Variants in BBS7 observed in about 807,000 individuals in gnomAD.
BBS7 encodes the protein Bardet-Biedl syndrome 7.
In BBS7, 50 loss-of-function variants were observed where a neutral mutation model predicts 90.3. The observed-to-expected ratio is 0.55, with a 90% CI of 0.44 to 0.70. The LOEUF is 0.70. BBS7 is among the 30% of genes least tolerant of loss of function. BBS7 has a pLI of 0.00. For synonymous variants in BBS7, 235 were observed against 287.4 expected (o/e 0.82, Z 1.85); for missense variants, 729 against 838.9 (o/e 0.87, Z 1.62).
chr4:121,863,015 A>G (rs1727066677), intron 3 of BBS7, among the ~76,000 whole-genome samples: 1 of 152,202 alleles, frequency 6.6e-6, no homozygotes, highest in Non-Finnish European at 1.5e-5. Flanking sequence ...GTAACCCACG[A>G]CCACAGGATG....
chr4:121,838,537 T>G (rs1166621880), intron 13 of BBS7, among the ~76,000 whole-genome samples: 1 of 152,180 alleles, frequency 6.6e-6, no homozygotes, highest in Non-Finnish European at 1.5e-5. Context: ...TGTCATTAAA[T>G]TGCTAGAGAA....
chr4:121,863,076 A>G, intron 3 of BBS7, 141 bp downstream of exon 3: 1 of 747,304 alleles, frequency 1.3e-6, no homozygotes, highest in Non-Finnish European at 2.3e-6. Context: ...CTACCCGCAG[A>G]CTCATATCTC....
At chr4:121,849,873 C>A (rs183827113) in intron 8 of BBS7, among the ~76,000 whole-genome samples, 53 of 152,010 alleles carry the variant, frequency 3.5e-4, no homozygotes, top group African/African-American at 1.3e-3. Context: ...AGCAAAATAC[C>A]CCGTTAAGTT....
At chr4:121,829,237 C>CTTT (rs58186352) in intron 15 of BBS7, among the ~76,000 whole-genome samples, 3 of 136,436 alleles carry the variant, frequency 2.2e-5, no homozygotes, top group African/African-American at 8.1e-5. Context: ...CATTATTTTT[C>CTTT]TTTTTTTTTT....
chr4:121,848,396 C>T (rs1448306782), intron 9 of BBS7, among the ~76,000 whole-genome samples: 2 of 152,150 alleles, frequency 1.3e-5, no homozygotes, highest in African/African-American at 4.8e-5. Flanking sequence ...AACATATCAC[C>T]TGCTGTATAT....
intron 8 of BBS7, among the ~76,000 whole-genome samples, chr4:121,849,583 C>A (rs1182275924): frequency 6.6e-6 from 1 of 152,010 alleles, no homozygotes; most frequent in African/African-American, 2.4e-5. Flanking sequence ...AATCCCAGCA[C>A]TTTGGGAAGC....
At position 121,828,663 on chromosome 4, in the gene BBS7, G is replaced by A. The variant is rs1725023755; in HGVS notation, c.1742C>T (p.Ser581Phe). 1 of 1,610,338 alleles carries A rather than the reference G, an allele frequency of 6.2e-7. No homozygotes were observed. ...STISILKDVL[S>F]KEATKRKINL... ...AATTTTCCTTTTTGTAGCTTCTTTA[G>A]AAAGCACATCTTTTAGGATGGAGAT... The change falls in exon 16 of 19, where the codon TCT becomes TTT. Residue 581 changes from serine (S) to phenylalanine (F), a missense_variant. By Grantham distance (155) the Ser-to-Phe change is radical (BLOSUM62 -2). Coordinates refer to ENST00000264499, the MANE Select transcript of BBS7 (RefSeq NM_176824.3).
intron 13 of BBS7, 31 bp from the exon 14 acceptor site, chr4:121,835,314 A>C: frequency 6.2e-7 from 1 of 1,611,760 alleles, no homozygotes; most frequent in Non-Finnish European, 8.5e-7. Flanking sequence ...AAATAAAATA[A>C]GAATATTTAG....
chr4:121,865,592 CT>C (rs1238303137), intron 2 of BBS7, among the ~76,000 whole-genome samples: 1 of 151,976 alleles, frequency 6.6e-6, no homozygotes, highest in Non-Finnish European at 1.5e-5. Flanking sequence ...ATATATACCA[CT>C]TTTTTTTATA....
intron 13 of BBS7, 141 bp downstream of exon 13, chr4:121,839,490 G>A: frequency 1.4e-6 from 1 of 708,056 alleles, no homozygotes; most frequent in Non-Finnish European, 2.5e-6. Flanking sequence ...ATCCTAACTG[G>A]TCATTCAAAA....
intron 11 of BBS7, 105 bp from the exon 12 acceptor site, chr4:121,844,106 C>A: frequency 1.4e-6 from 1 of 709,584 alleles, no homozygotes; most frequent in Admixed American, 2.6e-5. Context: ...TTATATTCAT[C>A]TTTAAATTTG....
chr4:121,840,100 G>A lies in BBS7; in HGVS notation c.1306-404C>T, dbSNP rs1260854420. ...TTCAAATCTCATCTTGAATTGTACT[G>A]CCATAATTCCCATGTGTTGTGGGAG... On this transcript the variant is annotated intron_variant, in intron 12 of 18. Coordinates refer to ENST00000264499, the MANE Select transcript of BBS7 (RefSeq NM_176824.3). Among the ~76,000 whole-genome samples, 3 of 152,152 alleles carry A rather than the reference G, an allele frequency of 2.0e-5. No individual in the cohort carries two copies. The East Asian group carries it at 5.8e-4, about 29-fold the overall frequency.
At chr4:121,828,823 ATT>A (rs1452095189) in intron 15 of BBS7, 95 bp from the exon 16 acceptor site, 4 of 769,520 alleles carry the variant, frequency 5.2e-6, no homozygotes, top group Non-Finnish European at 8.3e-6. Flanking sequence ...TATAGATTTC[ATT>A]TGACTGTAGA....
At position 121,828,134 on chromosome 4, in the gene BBS7, T is replaced by C; in HGVS notation, c.2014+12A>G. 8 of 1,613,530 alleles carry C rather than the reference T, an allele frequency of 5.0e-6. No individual in the cohort carries two copies. Among genetic ancestry groups the C allele is most frequent in the Non-Finnish European group, 6.8e-6 (8 of 1,179,768 alleles). ...AGAAATATGGCAAGGTATTCTAGAA[T>C]GGTCCACTAACCATAGAGTCTTTCA... On this transcript the variant is annotated intron_variant, in intron 18 of 18. Coordinates refer to ENST00000264499, the MANE Select transcript of BBS7 (RefSeq NM_176824.3).
rs906692940 is a variant in BBS7, at chr4:121,845,665, A to C, written c.1069T>G (p.Leu357Val). 3 of 1,613,094 alleles carry C rather than the reference A, an allele frequency of 1.9e-6. No homozygotes were observed. In the African/African-American group the frequency reaches 4.0e-5, roughly 22 times the overall value. ...NELEHLQYKV[L>V]QERENYQQSS... ...TGTTGATAATTCTCTCTTTCCTGCAATACCTTATACTGCAAATGTTCCAAC... is the reference window on the plus strand; with the variant it reads ...TGTTGATAATTCTCTCTTTCCTGCACTACCTTATACTGCAAATGTTCCAAC... Residue 357 changes from leucine to valine, a missense_variant, in exon 11 of 19, where the codon TTG becomes GTG. Physicochemically the swap from Leu to Val is conservative, Grantham distance 32. Coordinates refer to ENST00000264499, the MANE Select transcript of BBS7 (RefSeq NM_176824.3).
intron 13 of BBS7, among the ~76,000 whole-genome samples, chr4:121,835,751 T>C (rs60324291): frequency 3.6e-4 from 55 of 152,170 alleles, no homozygotes; most frequent in African/African-American, 1.3e-3. Flanking sequence ...TTGGCAGAGA[T>C]TTTTTTCCAT....
intron 2 of BBS7, among the ~76,000 whole-genome samples, chr4:121,863,673 T>A (rs1376362860): frequency 6.6e-6 from 1 of 152,120 alleles, no homozygotes; most frequent in East Asian, 1.9e-4. Context: ...ATAAGAACAT[T>A]TTAAGATTAA....
At chr4:121,833,533 C>T (rs749458149) in intron 14 of BBS7, 138 bp from the exon 15 acceptor site, 11 of 812,354 alleles carry the variant, frequency 1.4e-5, no homozygotes, top group East Asian at 2.7e-5. Flanking sequence ...TAATCTTATA[C>T]GTCAAATAAA....
At chr4:121,833,835 G>A (rs1261128212) in intron 14 of BBS7, among the ~76,000 whole-genome samples, 8 of 151,774 alleles carry the variant, frequency 5.3e-5, no homozygotes, top group Non-Finnish European at 7.4e-5. Flanking sequence ...GAGCCACCAC[G>A]TCCAGCCCTC....
Sources: allele counts gnomAD v4.1 joint callset (sites outside exome capture counted in the v4.1 genomes callset), GRCh38; gene constraint gnomAD v4.1.1; transcripts MANE v1.5; gene names NCBI Gene and HGNC (gene_info 2026-07-23, HGNC 2026-07-21).